The following TBC1D12 variants were observed in gnomAD, a reference collection of about 807,000 sequenced individuals.
The protein encoded by TBC1D12 is TBC1 domain family, member 12.
A neutral mutation model predicts 86.7 loss-of-function variants in TBC1D12; 56 were observed. The observed-to-expected ratio is 0.65, with a 90% CI of 0.52 to 0.81. TBC1D12 has a LOEUF of 0.81. Among genes scored for constraint, TBC1D12 ranks in the 30% least tolerant of loss-of-function variants. The pLI is 0.00. For synonymous variants in TBC1D12, 421 were observed against 411.7 expected, an observed-to-expected ratio of 1.02 and a Z score of -0.27; for missense variants, 1,023 against 1,038.8, an observed-to-expected ratio of 0.98 and a Z score of 0.21.
At chr10:94,499,621 G>A (rs145440040) in intron 5 of TBC1D12, among the ~76,000 whole-genome samples, 367 of 152,334 alleles carry the variant, frequency 2.4e-3, no homozygotes, top group African/African-American at 8.5e-3. Context: ...TATTGGCACA[G>A]TGTGACATAT....
chr10:94,532,635 A>G (rs1373633373), intron 12 of TBC1D12, among the ~76,000 whole-genome samples: 2 of 152,248 alleles, frequency 1.3e-5, no homozygotes, highest in African/African-American at 4.8e-5. Context: ...AGTTGAAAGA[A>G]TATATAATGT....
chr10:94,406,578 T>C (rs926162778), intron 1 of TBC1D12, among the ~76,000 whole-genome samples: 1 of 152,224 alleles, frequency 6.6e-6, no homozygotes, highest in African/African-American at 2.4e-5. Flanking sequence ...GTAGCTTTCA[T>C]GGATTCCCTT....
rs1554931542 is a variant in TBC1D12 at position 94,405,730 on chromosome 10, T to TCCCTTAC, written c.971+2148_971+2154dup. 2.6e-5 allele frequency among the ~76,000 whole-genome samples: 4 copies of TCCCTTAC among 152,268 alleles called. No homozygotes were observed. In the South Asian group the frequency reaches 8.3e-4, roughly 32 times the overall value. On this transcript the variant is annotated intron_variant, in intron 1 of 12. Coordinates refer to ENST00000225235, the MANE Select transcript of TBC1D12 (RefSeq NM_015188.2). ...TGAATAGAGATGATTTAGAAAACTG[T>TCCCTTAC]CCCTTACCTGCAGGTGGGGTGCAGG... is the stretch of plus-strand genomic sequence containing the variant.
chr10:94,465,665 T>C (rs2055797314), intron 2 of TBC1D12, among the ~76,000 whole-genome samples: 1 of 101,676 alleles, frequency 9.8e-6, no homozygotes, highest in Admixed American at 9.2e-5. Context: ...AATATATATA[T>C]ATATATGTGT....
chr10:94,487,507 C>T (rs1260943353), intron 3 of TBC1D12, among the ~76,000 whole-genome samples: 1 of 151,322 alleles, frequency 6.6e-6, no homozygotes, highest in African/African-American at 2.4e-5. Context: ...TACCATGTGG[C>T]TTGCAAATAC....
intron 11 of TBC1D12, among the ~76,000 whole-genome samples, chr10:94,525,093 A>G (rs1053701170): frequency 6.6e-6 from 1 of 152,160 alleles, no homozygotes; most frequent in Admixed American, 6.5e-5. Flanking sequence ...AGTTCCAGAA[A>G]CCATATTCTT....
intron 1 of TBC1D12, among the ~76,000 whole-genome samples, chr10:94,439,522 T>G (rs1051355150): frequency 2.6e-5 from 4 of 152,158 alleles, no homozygotes; most frequent in African/African-American, 9.7e-5. Context: ...AGGTTGAGGC[T>G]GCAGGTTCAG....
chr10:94,403,578 T>TCACCA lies in TBC1D12; in HGVS notation c.966_970dup (p.Arg324ThrfsTer76). The TCACCA allele has an allele frequency of 6.8e-7, 1 of 1,469,314 alleles. No individual in the cohort carries two copies. Among genetic ancestry groups the TCACCA allele is most frequent in the Non-Finnish European group, 8.9e-7 (1 of 1,120,644 alleles). 91.0% of individuals were successfully genotyped at this position (1,469,314 alleles called of 1,614,324 possible). On this transcript the variant is annotated frameshift_variant, in exon 1 of 13. Transcript: ENST00000225235. LOFTEE classifies it high-confidence loss of function. The stretch of plus-strand genomic sequence containing the variant: ...CGGAGTGGCGGCTTCGCGGACTTCT[T>TCACCA]CACCAGGTACAGCGCAGGCTGCATG...
chr10:94,511,095 C>CTTTTTTT (rs3053917), intron 8 of TBC1D12, among the ~76,000 whole-genome samples: 2 of 66,828 alleles, frequency 3.0e-5, no homozygotes, highest in Admixed American at 2.2e-4. Flanking sequence ...GTAAATATTT[C>CTTTTTTT]TTTTTTTTTT....
At chr10:94,511,719 T>G (rs1564985337) in intron 9 of TBC1D12, 65 bp downstream of exon 9, 1 of 1,136,360 alleles carries the variant, frequency 8.8e-7, no homozygotes, top group Non-Finnish European at 1.3e-6. Flanking sequence ...TATCAAAATA[T>G]CCTATGTTGT....
In TBC1D12 at chr10:94,403,203, A is replaced by G; in HGVS notation, c.590A>G (p.Asp197Gly). Residue 197 changes from aspartate (D) to glycine (G), a missense_variant, in exon 1 of 13, where the codon GAC becomes GGC. Asp to Gly is a moderately conservative substitution (Grantham distance 94, BLOSUM62 -1). Around this residue, in one of 2 missense-constraint regions of TBC1D12, gnomAD observed 628 missense variants for 531.1 expected, o/e 1.18. Coordinates refer to ENST00000225235, the MANE Select transcript of TBC1D12 (RefSeq NM_015188.2). Reference protein sequence around the residue: ...SPSDWASPLEDPLRSCCLVAA... With the variant: ...SPSDWASPLEGPLRSCCLVAA... ...TCCGATTGGGCCTCTCCGCTTGAGG[A>G]CCCGCTGCGGAGCTGCTGCCTGGTG... 6.7e-7 allele frequency: 1 copy of G among 1,501,106 alleles called. No individual in the cohort carries two copies. The highest frequency in any genetic ancestry group is 1.3e-5 in the South Asian group (1 of 79,072). 93.0% of individuals were successfully genotyped at this position (1,501,106 alleles called of 1,614,324 possible). A position where few individuals can be genotyped will look rare whatever the true frequency, so the allele number is the denominator to read the frequency against.
At position 94,496,819 on chromosome 10, in the gene TBC1D12, G is replaced by A. The variant is rs530983620; in HGVS notation, c.1295-236G>A. On this transcript the variant is annotated intron_variant, in intron 4 of 12. Coordinates refer to ENST00000225235, the MANE Select transcript of TBC1D12 (RefSeq NM_015188.2). ...TTCAAGGCCACCTGAGCAACGTGGC[G>A]AGACCCATCTCTAAAAAAAGAGAAA... 9.9e-5 allele frequency among the ~76,000 whole-genome samples: 15 copies of A among 152,196 alleles called. 1 individual carries two copies. The South Asian group carries it at 2.7e-3, about 27-fold the overall frequency.
intron 2 of TBC1D12, among the ~76,000 whole-genome samples, chr10:94,450,988 A>G (rs1218849533): frequency 6.6e-6 from 1 of 152,086 alleles, no homozygotes; most frequent in Non-Finnish European, 1.5e-5. Context: ...GGAGTAAAAA[A>G]TAGAACAGAG....
chr10:94,426,878 A>G (rs768885249), intron 1 of TBC1D12, among the ~76,000 whole-genome samples: 30 of 151,866 alleles, frequency 2.0e-4, no homozygotes, highest in Non-Finnish European at 3.7e-4. Flanking sequence ...AGGTGGCCTG[A>G]TTTTTTTTAT....
chr10:94,413,274 T>G (rs1262414631), intron 1 of TBC1D12, among the ~76,000 whole-genome samples: 1 of 152,246 alleles, frequency 6.6e-6, no homozygotes, highest in African/African-American at 2.4e-5. Context: ...GCTTCCTTTT[T>G]ATTAATGGGA....
At chr10:94,485,509 T>C (rs1023735138) in intron 3 of TBC1D12, among the ~76,000 whole-genome samples, 19 of 151,884 alleles carry the variant, frequency 1.3e-4, no homozygotes, top group African/African-American at 4.6e-4. Flanking sequence ...GATTTTTGCA[T>C]CCATGTTTCT....
chr10:94,412,756 C>CAAAGTGTGT lies in TBC1D12; in HGVS notation c.971+9173_971+9181dup, dbSNP rs1418099322. On this transcript the variant is annotated intron_variant, in intron 1 of 12. Coordinates refer to ENST00000225235, the MANE Select transcript of TBC1D12 (RefSeq NM_015188.2). ...CCATCTCTAAATGTATGCAGAAAGG[C>CAAAGTGTGT]AAAGTGTGTCCTTTTTGAGACAGCT... Among the ~76,000 whole-genome samples the CAAAGTGTGT allele has an allele frequency of 2.0e-5, 3 of 152,342 alleles. No homozygotes were observed. In the East Asian group the frequency reaches 5.8e-4, roughly 29 times the overall value.
At chr10:94,423,942 A>G (rs1019155196) in intron 1 of TBC1D12, among the ~76,000 whole-genome samples, 1 of 152,206 alleles carries the variant, frequency 6.6e-6, no homozygotes, top group South Asian at 2.1e-4. Context: ...CTAGGATCAT[A>G]AATGTCCAGA....
intron 11 of TBC1D12, among the ~76,000 whole-genome samples, chr10:94,524,529 A>G (rs1842238108): frequency 6.6e-6 from 1 of 152,102 alleles, no homozygotes; most frequent in Admixed American, 6.5e-5. Context: ...TCACGAGGTC[A>G]GGAGATCGAG....
Sources: allele counts gnomAD v4.1 joint callset (sites outside exome capture counted in the v4.1 genomes callset), GRCh38; gene constraint gnomAD v4.1.1; regional missense constraint gnomAD v4.1.1; transcripts MANE v1.5; gene names NCBI Gene and HGNC (gene_info 2026-07-23, HGNC 2026-07-21).